The following NDUFB1 variants were observed in gnomAD, a reference collection of about 807,000 sequenced individuals.
NDUFB1 encodes NADH:ubiquinone oxidoreductase subunit B1.
NDUFB1 carries 6 observed loss-of-function variants against 6.7 expected under a neutral mutation model. The ratio of observed to expected loss-of-function variants is 0.89; its 90% CI spans 0.49 to 1.76. The LOEUF (loss-of-function observed/expected upper bound fraction) is 1.76. Ranked by LOEUF, NDUFB1 falls within the 40% of genes most tolerant of loss-of-function variation. The pLI is 0.01. For synonymous variants in NDUFB1, 17 were observed against 22.9 expected, an observed-to-expected ratio of 0.74 and a Z score of 0.74; for missense variants, 56 against 71.0, an observed-to-expected ratio of 0.79 and a Z score of 0.76.
chr14:92,121,015 A>G (rs1344288916), intron 1 of NDUFB1, among the ~76,000 whole-genome samples: 1 of 151,904 alleles, frequency 6.6e-6, no homozygotes, highest in East Asian at 2.0e-4. Context: ...ACAAAAAATT[A>G]GCCGGGTGTG....
intron 2 of NDUFB1, among the ~76,000 whole-genome samples, chr14:92,117,113 C>A (rs544842637): frequency 1.3e-5 from 2 of 152,210 alleles, no homozygotes; most frequent in Non-Finnish European, 2.9e-5. Flanking sequence ...GAACACAGCA[C>A]CTAGCTGCTG....
At chr14:92,119,994 C>T (rs1163687511) in intron 1 of NDUFB1, among the ~76,000 whole-genome samples, 1 of 152,064 alleles carries the variant, frequency 6.6e-6, no homozygotes, top group Non-Finnish European at 1.5e-5. Context: ...CTTGTGGCCC[C>T]AAGTTTCACA....
At chr14:92,116,688 C>G (rs1456269212) in intron 2 of NDUFB1, among the ~76,000 whole-genome samples, 1 of 152,116 alleles carries the variant, frequency 6.6e-6, no homozygotes, top group East Asian at 1.9e-4. Flanking sequence ...ATATTAGATT[C>G]ATCATATGTA....
At chr14:92,116,324 T>A in intron 2 of NDUFB1, 95 bp from the exon 3 acceptor site, 5 of 909,038 alleles carry the variant, frequency 5.5e-6, no homozygotes, top group Non-Finnish European at 8.4e-6. Context: ...TTGCAATATT[T>A]CATTTTCTTT....
At chr14:92,117,382 T>C in intron 2 of NDUFB1, 116 bp downstream of exon 2, 1 of 1,025,954 alleles carries the variant, frequency 9.7e-7, no homozygotes, top group East Asian at 2.4e-5. Flanking sequence ...AACAGTATCA[T>C]TTGAATCTAA....
rs35571568 is a variant in NDUFB1 at position 92,116,331 on chromosome 14, CTTTTTTT to C, written c.141-109_141-103del. On this transcript the variant is annotated intron_variant, in intron 2 of 2. Transcript: ENST00000605997. ...AAGAATGATTGCAATATTTCATTTT[CTTTTTTT>C]TTTTTTTTTTTTTGAGACGAAGTCT... 6.6e-5 allele frequency: 33 copies of C among 499,258 alleles called. 1 individual carries two copies. Among genetic ancestry groups the C allele is most frequent in the Admixed American group, 2.2e-4 (6 of 27,756 alleles). The allele number at this position is 499,258 out of a possible 1,614,324, so 30.9% of individuals were successfully genotyped here. A position where few individuals can be genotyped will look rare whatever the true frequency, so the allele number is the denominator to read the frequency against.
Position 92,117,603 on chromosome 14 carries a change from C to A in NDUFB1, c.35G>T (p.Trp12Leu). 1 of 1,613,898 alleles carries A rather than the reference C, an allele frequency of 6.2e-7. No homozygotes were observed. Among genetic ancestry groups the A allele is most frequent in the Non-Finnish European group, 8.5e-7 (1 of 1,179,984 alleles). ...VNLLQIVRDH[W>L]VHVLVPMGFV... ...TCCCATAGGGACAAGAACATGAACC[C>A]AGTGGTCCCGCACAATCTGAAGTAA... is the stretch of plus-strand genomic sequence containing the variant. The change falls in exon 2 of 3, where the codon TGG (tryptophan) becomes TTG (leucine). Residue 12 changes from tryptophan (W) to leucine (L), a missense_variant. Coordinates refer to ENST00000605997, the MANE Select transcript of NDUFB1 (RefSeq NM_004545.4).
chr14:92,116,797 T>C (rs1226013251), intron 2 of NDUFB1, among the ~76,000 whole-genome samples: 2 of 152,230 alleles, frequency 1.3e-5, no homozygotes, highest in Non-Finnish European at 2.9e-5. Flanking sequence ...ATGAAAGCTA[T>C]TATCTCTGCT....
At chr14:92,116,523 C>T (rs1193978518) in intron 2 of NDUFB1, among the ~76,000 whole-genome samples, 2 of 151,082 alleles carry the variant, frequency 1.3e-5, no homozygotes, top group Admixed American at 6.6e-5. Flanking sequence ...TTGGTAGAGA[C>T]GGGGTTTCAC....
At chr14:92,117,886 T>G in intron 1 of NDUFB1, 1 of 424,860 alleles carries the variant, frequency 2.4e-6, no homozygotes, top group Non-Finnish European at 4.3e-6. Flanking sequence ...TTATCCCAGC[T>G]ACTGGAGAGG....
At chr14:92,119,525 T>A (rs1054705876) in intron 1 of NDUFB1, among the ~76,000 whole-genome samples, 6 of 152,174 alleles carry the variant, frequency 3.9e-5, no homozygotes, top group Non-Finnish European at 8.8e-5. Flanking sequence ...CCTGAATTGA[T>A]GTTTATGGTA....
chr14:92,117,683 T>C, intron 1 of NDUFB1, 41 bp from the exon 2 acceptor site: 1 of 1,591,180 alleles, frequency 6.3e-7, no homozygotes, highest in Non-Finnish European at 8.6e-7. Context: ...ACTGCTTTGT[T>C]TTTTTTTTGA....
chr14:92,121,472 C>T lies in NDUFB1; in HGVS notation c.-6+170G>A, dbSNP rs143408483. The T allele has an allele frequency of 1.6e-3, 1,546 of 975,130 alleles. 3 individuals are homozygous for T. The highest frequency in any genetic ancestry group is 5.1e-3 in the African/African-American group (310 of 60,812). 60.4% of individuals were successfully genotyped at this position (975,130 alleles called of 1,614,324 possible). A position where few individuals can be genotyped will look rare whatever the true frequency, so the allele number is the denominator to read the frequency against. On this transcript the variant is annotated intron_variant, in intron 1 of 2. Transcript: ENST00000605997. ...AGCTCCGGCCCGGAAATCCCATCCTCCACCCGAAGAAAACCCCATTTTCCT... is the reference window on the plus strand; with the variant it reads ...AGCTCCGGCCCGGAAATCCCATCCTTCACCCGAAGAAAACCCCATTTTCCT...
chr14:92,118,523 A>G (rs1429390157), intron 1 of NDUFB1: 2 of 152,248 alleles, frequency 1.3e-5, no homozygotes, highest in African/African-American at 4.8e-5. Flanking sequence ...TCACAATGCA[A>G]AAACAAATTT....
chr14:92,120,444 G>C (rs555749645), intron 1 of NDUFB1: 1 of 150,486 alleles, frequency 6.6e-6, no homozygotes, highest in East Asian at 2.0e-4. Context: ...TCTGCCTCTC[G>C]GATTCAAGGG....
Position 92,121,637 on chromosome 14 carries a change from C to T in NDUFB1, c.-6+5G>A. The stretch of plus-strand genomic sequence containing the variant: ...GCGGCGGCCCCCCGGGCTCCCCAAA[C>T]CCACCTGCAGCCTCAGCGCCTACAG... On this transcript the variant is annotated splice_donor_5th_base_variant and intron_variant, in intron 1 of 2. Transcript: ENST00000605997. The T allele has an allele frequency of 6.2e-7, 1 of 1,613,016 alleles. No homozygotes were observed. Among genetic ancestry groups the T allele is most frequent in the South Asian group, 1.1e-5 (1 of 91,036 alleles).
At chr14:92,117,757 G>T in intron 1 of NDUFB1, 115 bp from the exon 2 acceptor site, 2 of 1,023,480 alleles carry the variant, frequency 2.0e-6, no homozygotes, top group Non-Finnish European at 2.9e-6. Context: ...TAGCACTTTG[G>T]GATGCTGAGG....
intron 2 of NDUFB1, among the ~76,000 whole-genome samples, chr14:92,117,143 C>A (rs2068722405): frequency 6.6e-6 from 1 of 152,224 alleles, no homozygotes; most frequent in Non-Finnish European, 1.5e-5. Context: ...TTTATCTCAG[C>A]TATAGCATGT....
In NDUFB1 at chr14:92,116,225, A is replaced by T. The variant is rs747349679; in HGVS notation, c.145T>A (p.Leu49Met). The T allele has an allele frequency of 1.2e-6, 2 of 1,612,494 alleles. No individual in the cohort carries two copies. The highest frequency in any genetic ancestry group is 1.7e-5 in the Admixed American group (1 of 59,826). ...RNKSMLFKRE[L>M]QPSEEVTWK ...CAGGTAACTTCTTCACTGGGTTGCA[A>T]TTCCCTGTGTGGAAAGCAAAAAAGG... The change falls in exon 3 of 3, where the codon TTG (leucine) becomes ATG (methionine). Residue 49 changes from leucine to methionine, a missense_variant. Transcript: ENST00000605997.
Sources: allele counts gnomAD v4.1 joint callset (sites outside exome capture counted in the v4.1 genomes callset), GRCh38; gene constraint gnomAD v4.1.1; transcripts MANE v1.5; gene names NCBI Gene and HGNC (gene_info 2026-07-23, HGNC 2026-07-21).